The following TENM2 variants were observed in gnomAD, a reference collection of about 807,000 sequenced individuals.
The protein encoded by TENM2 is teneurin transmembrane protein 2, also known as teneurin-2.
TENM2 carries 52 observed loss-of-function variants against 245.2 expected under a neutral mutation model. That is an observed-to-expected ratio of 0.21 (90% CI 0.17 to 0.27). The LOEUF (loss-of-function observed/expected upper bound fraction) is 0.27. Among genes scored for constraint, TENM2 ranks in the 10% least tolerant of loss-of-function variants. The pLI, the probability that TENM2 is intolerant of heterozygous loss-of-function variation, is 1.00. For missense variants in TENM2, 3,046 were observed against 3,666.8 expected (o/e 0.83, Z 4.37); for synonymous variants, 1,363 against 1,438.9 (o/e 0.95, Z 1.19).
intron 1 of TENM2, among the ~76,000 whole-genome samples, chr5:167,370,498 T>G (rs1760350620): frequency 6.6e-6 from 1 of 152,224 alleles, no homozygotes; most frequent in Non-Finnish European, 1.5e-5. Context: ...TGAACAGTTT[T>G]TAGACATTAA....
At chr5:167,874,776 GCCTCTGTGT>G (rs1435528835) in intron 2 of TENM2, among the ~76,000 whole-genome samples, 1 of 152,230 alleles carries the variant, frequency 6.6e-6, no homozygotes, top group Non-Finnish European at 1.5e-5. Flanking sequence ...GGATGCAGCA[GCCTCTGTGT>G]GGGAGGACAA....
chr5:167,956,968 A>G lies in TENM2; in HGVS notation c.947+4146A>G, dbSNP rs185339494. Reference sequence around the variant, plus strand: ...TGTGTCTTTGCCAGGTTTTGCTATCAGGATGATGCTGGCCTCATAAAATGA... The same window carrying G: ...TGTGTCTTTGCCAGGTTTTGCTATCGGGATGATGCTGGCCTCATAAAATGA... On this transcript the variant is annotated intron_variant, in intron 4 of 28. Coordinates refer to ENST00000518659, the Ensembl canonical transcript of TENM2. Among the ~76,000 whole-genome samples, 20 of 152,296 alleles carry G rather than the reference A, an allele frequency of 1.3e-4. No homozygotes were observed. In the East Asian group the frequency reaches 3.5e-3, roughly 26 times the overall value.
chr5:167,168,553 G>A, the TENM2 span, among the ~76,000 whole-genome samples: 1 of 152,104 alleles, frequency 6.6e-6, no homozygotes, highest in Non-Finnish European at 1.5e-5. Flanking sequence ...CTTCTGCATA[G>A]TAAAAGAAAT....
At chr5:167,056,631 A>G in the TENM2 span, among the ~76,000 whole-genome samples, 2 of 147,284 alleles carry the variant, frequency 1.4e-5, no homozygotes, top group African/African-American at 2.5e-5. Flanking sequence ...ATATAAATAT[A>G]TATCTATATA....
intron 2 of TENM2, among the ~76,000 whole-genome samples, chr5:167,700,132 T>C (rs1758042619): frequency 6.6e-6 from 1 of 152,160 alleles, no homozygotes; most frequent in South Asian, 2.1e-4. Context: ...TCTGAAAAGA[T>C]AGAACAGGCT....
At chr5:168,200,105 G>A (rs772864825) in exon 17 of TENM2, 1 of 1,613,700 alleles carries the variant, frequency 6.2e-7, no homozygotes, top group African/African-American at 1.3e-5. Flanking sequence ...TATGGCCAAA[G>A]GGTGTATGGA....
intron 2 of TENM2, among the ~76,000 whole-genome samples, chr5:167,480,124 T>A (rs1767663629): frequency 6.6e-6 from 1 of 152,226 alleles, no homozygotes; most frequent in African/African-American, 2.4e-5. Flanking sequence ...GAATCCCATC[T>A]TCCAGCAGGT....
At chr5:167,824,336 A>G (rs1161032214) in intron 2 of TENM2, among the ~76,000 whole-genome samples, 2 of 152,244 alleles carry the variant, frequency 1.3e-5, no homozygotes, top group Non-Finnish European at 2.9e-5. Flanking sequence ...ACAAAAATGG[A>G]ACAAAGCATT....
At chr5:168,098,203 A>C in intron 9 of TENM2, 76 bp downstream of exon 11, 2 of 997,084 alleles carry the variant, frequency 2.0e-6, no homozygotes, top group Non-Finnish European at 3.1e-6. Flanking sequence ...AACAGAAGGG[A>C]CATCCAAGTA....
intron 2 of TENM2, among the ~76,000 whole-genome samples, chr5:167,527,081 T>G (rs1238356188): frequency 6.6e-6 from 1 of 152,098 alleles, no homozygotes. Flanking sequence ...CAACACTCCC[T>G]TCTTATCCAC....
chr5:167,074,973 A>G, the TENM2 span, among the ~76,000 whole-genome samples: 1 of 152,118 alleles, frequency 6.6e-6, no homozygotes, highest in Non-Finnish European at 1.5e-5. Flanking sequence ...TCTTTCCTGG[A>G]AGCATCCCCT....
chr5:167,503,730 C>T (rs766685405), intron 2 of TENM2, among the ~76,000 whole-genome samples: 10 of 151,918 alleles, frequency 6.6e-5, no homozygotes, highest in Admixed American at 2.6e-4. Flanking sequence ...CCCATTTCTA[C>T]AAAAAATACA....
At chr5:167,511,478 T>G (rs575316756) in intron 2 of TENM2, among the ~76,000 whole-genome samples, 1 of 152,264 alleles carries the variant, frequency 6.6e-6, no homozygotes, top group Non-Finnish European at 1.5e-5. Context: ...TGCTACCAAT[T>G]CCTACAGGAT....
intron 1 of TENM2, among the ~76,000 whole-genome samples, chr5:167,316,195 G>A (rs1756354579): frequency 6.6e-6 from 1 of 152,128 alleles, no homozygotes; most frequent in South Asian, 2.1e-4. Flanking sequence ...CTTCATAAAG[G>A]CAGAGATATG....
intron 2 of TENM2, among the ~76,000 whole-genome samples, chr5:167,666,962 G>A (rs1047751977): frequency 7.2e-5 from 11 of 152,138 alleles, no homozygotes; most frequent in African/African-American, 2.4e-4. Context: ...GCACTTCTCA[G>A]CAATATAACT....
intron 27 of TENM2, among the ~76,000 whole-genome samples, chr5:168,254,303 G>C (rs1277494736): frequency 2.6e-5 from 4 of 152,226 alleles, no homozygotes; most frequent in Non-Finnish European, 4.4e-5. Flanking sequence ...ACTTCTAAAG[G>C]AGGAGGGGTG....
intron 1 of TENM2, among the ~76,000 whole-genome samples, chr5:167,316,178 A>C (rs1396072175): frequency 6.6e-6 from 1 of 152,246 alleles, no homozygotes; most frequent in Admixed American, 6.5e-5. Context: ...TACTGCAAGA[A>C]TGTAAGCTTC....
chr5:167,417,117 A>G (rs1022274224), intron 2 of TENM2, among the ~76,000 whole-genome samples: 2 of 152,178 alleles, frequency 1.3e-5, no homozygotes, highest in Non-Finnish European at 2.9e-5. Context: ...ATTTAGAAAC[A>G]CTTCTTCAGT....
At chr5:167,769,234 G>GT (rs1763241408) in intron 2 of TENM2, among the ~76,000 whole-genome samples, 1 of 152,204 alleles carries the variant, frequency 6.6e-6, no homozygotes, top group Non-Finnish European at 1.5e-5. Flanking sequence ...CAATCTGGTT[G>GT]TTTGGGGAGC....
Sources: gnomAD v4.1 joint callset for allele counts (sites outside exome capture counted in the v4.1 genomes callset) on GRCh38, gnomAD v4.1.1 for gene constraint, MANE v1.5 for transcripts, NCBI Gene and HGNC (gene_info 2026-07-23, HGNC 2026-07-21) for gene names.